The following EEF1D variants were observed in gnomAD, a reference collection of about 807,000 sequenced individuals.
EEF1D encodes elongation factor 1-delta.
Under a neutral mutation model 63.9 loss-of-function variants are expected in EEF1D, and 47 were observed. The observed-to-expected ratio is 0.74, with a 90% CI of 0.58 to 0.94. EEF1D has a LOEUF of 0.94. Ranked by LOEUF, EEF1D falls within the 40% of genes least tolerant of loss-of-function variation. EEF1D has a pLI of 0.00. For synonymous variants in EEF1D, 412 were observed against 386.1 expected, an observed-to-expected ratio of 1.07 and a Z score of -0.79; for missense variants, 907 against 899.0, an observed-to-expected ratio of 1.01 and a Z score of -0.11.
chr8:143,593,866 T>C (rs530162977), intron 1 of EEF1D: 19 of 985,354 alleles, frequency 1.9e-5, no homozygotes, highest in Non-Finnish European at 2.0e-5. Flanking sequence ...TTCCCAAGCA[T>C]GGGAGGACCT....
Position 143,591,956 on chromosome 8 carries a change from G to A in EEF1D, c.-1+691C>T, listed in dbSNP as rs914847419. Reference sequence around the variant, plus strand: ...GGAGTTCTTTGCGGGCATGTGGCCCGAATCCCGCAGTCCCAGCAACAAGTT... The same window carrying A: ...GGAGTTCTTTGCGGGCATGTGGCCCAAATCCCGCAGTCCCAGCAACAAGTT... On this transcript the variant is annotated intron_variant, in intron 2 of 9. Coordinates refer to ENST00000618139, the MANE Select transcript of EEF1D (RefSeq NM_001130053.5). 24 of 883,580 alleles carry A rather than the reference G, an allele frequency of 2.7e-5. No homozygotes were observed. The African/African-American group carries it at 3.6e-4, about 13-fold the overall frequency. 54.7% of individuals were successfully genotyped at this position (883,580 alleles called of 1,614,324 possible). A position where few individuals can be genotyped will look rare whatever the true frequency, so the allele number is the denominator to read the frequency against.
chr8:143,588,470 C>T (rs10110174), intron 3 of EEF1D, among the ~76,000 whole-genome samples: 121,496 of 152,164 alleles, frequency 0.8, 50,325 homozygotes, highest in Non-Finnish European at 0.92. Flanking sequence ...ACCTGACCAG[C>T]CACATGCCCA....
chr8:143,581,399 T>G lies in EEF1D; in HGVS notation c.1288-71A>C, dbSNP rs561028286. On this transcript the variant is annotated intron_variant, in intron 5 of 9. Coordinates refer to ENST00000618139, the MANE Select transcript of EEF1D (RefSeq NM_001130053.5). ...AGGGTCCCCCTGCCATGCTCAGGAC[T>G]GCAGGAACTCACGGAAGGAAAACTA... 25 of 1,387,016 alleles carry G rather than the reference T, an allele frequency of 1.8e-5. No individual in the cohort carries two copies. In the African/African-American group the frequency reaches 2.7e-4, roughly 15 times the overall value. 85.9% of individuals were successfully genotyped at this position (1,387,016 alleles called of 1,614,324 possible).
At chr8:143,586,375 C>T (rs1297537385) in intron 4 of EEF1D, 85 bp from the exon 5 acceptor site, 3 of 1,264,898 alleles carry the variant, frequency 2.4e-6, no homozygotes, top group African/African-American at 3.0e-5. Context: ...ACCCCATGAA[C>T]CCTCACATAG....
chr8:143,593,274 C>A (rs1828274529), intron 1 of EEF1D, among the ~76,000 whole-genome samples: 1 of 152,198 alleles, frequency 6.6e-6, no homozygotes, highest in African/African-American at 2.4e-5. Flanking sequence ...GACTGACTCT[C>A]CCACAATGTG....
rs781402854 is a variant in EEF1D, at chr8:143,580,764, C to T, written c.1489-37G>A. 3.5e-5 allele frequency: 56 copies of T among 1,606,086 alleles called. 1 individual carries two copies. The highest frequency in any genetic ancestry group is 1.2e-4 in the South Asian group (11 of 91,032). On this transcript the variant is annotated intron_variant, in intron 7 of 9. Transcript: ENST00000618139. ...GAAGGGACAGGAGGCACGGCTGAGA[C>T]GCCCCAACCAGGGCCCAGAGCTGCC...
chr8:143,581,352 G>A (rs375904178), intron 5 of EEF1D, 24 bp from the exon 6 acceptor site: 1 of 1,600,264 alleles, frequency 6.2e-7, no homozygotes, highest in Non-Finnish European at 8.5e-7. Flanking sequence ...GGAGGGGAGG[G>A]CTCAGTGCCC....
At position 143,581,432 on chromosome 8, in the gene EEF1D, G is replaced by A. The variant is rs551045944; in HGVS notation, c.1288-104C>T. 2.9e-6 allele frequency: 3 copies of A among 1,033,052 alleles called. No individual in the cohort carries two copies. In the African/African-American group the frequency reaches 4.8e-5, roughly 16 times the overall value. The allele number at this position is 1,033,052 out of a possible 1,614,324, so 64.0% of individuals were successfully genotyped here. A position where few individuals can be genotyped will look rare whatever the true frequency, so the allele number is the denominator to read the frequency against. ...CTCACGGAAGGAAAACTACAGCTCG[G>A]GAGAGCAGGAGGTGCCCCCCGCTGA... On this transcript the variant is annotated intron_variant, in intron 5 of 9. Transcript: ENST00000618139.
Position 143,580,971 on chromosome 8 carries a change from G to A in EEF1D, c.1488+83C>T. On this transcript the variant is annotated intron_variant, in intron 7 of 9. Coordinates refer to ENST00000618139, the MANE Select transcript of EEF1D (RefSeq NM_001130053.5). ...TCCTGGCTGCCAGCTCATCACTGCT[G>A]CTGGGGCCAGCCCACAGGGCGACGT... 2.7e-6 allele frequency: 4 copies of A among 1,461,692 alleles called. No individual in the cohort carries two copies. In the East Asian group the frequency reaches 9.1e-5, roughly 33 times the overall value. 90.5% of individuals were successfully genotyped at this position (1,461,692 alleles called of 1,614,324 possible).
intron 1 of EEF1D, among the ~76,000 whole-genome samples, chr8:143,595,828 C>T (rs1404836448): frequency 6.6e-6 from 1 of 152,246 alleles, no homozygotes; most frequent in African/African-American, 2.4e-5. Flanking sequence ...AGACAATACC[C>T]ACGCCACACC....
intron 1 of EEF1D, chr8:143,593,937 A>G (rs1192447323): frequency 1.0e-6 from 1 of 985,262 alleles, no homozygotes; most frequent in Admixed American, 6.1e-5. Flanking sequence ...AAGCTTGCGC[A>G]GACGACAGGC....
Position 143,589,978 on chromosome 8 carries a change from G to A in EEF1D, c.104C>T (p.Ala35Val), listed in dbSNP as rs746505007. The stretch of plus-strand genomic sequence containing the variant: ...TGGCAGCTGCTGGGCGGAGGCGGCC[G>A]CCTGTGTGGCCTCGTGTTCGTAGAA... ...RRFYEHEATQ[A>V]AASAQQLPAE... The change falls in exon 3 of 10, where the codon GCG (alanine) becomes GTG (valine). Residue 35 changes from alanine to valine, a missense_variant. Transcript: ENST00000618139. The A allele has an allele frequency of 7.5e-6, 12 of 1,599,008 alleles. No homozygotes were observed. Among genetic ancestry groups the A allele is most frequent in the South Asian group, 4.4e-5 (4 of 91,024 alleles).
intron 1 of EEF1D, chr8:143,596,285 C>T (rs1828800936): frequency 1.3e-5 from 2 of 152,320 alleles, no homozygotes; most frequent in Admixed American, 1.3e-4. Flanking sequence ...CAGAAAGCCT[C>T]TACAGAGGCA....
At position 143,580,622 on chromosome 8, in the gene EEF1D, C is replaced by T. The variant is rs1248659333; in HGVS notation, c.1594G>A (p.Glu532Lys). 2 of 1,613,876 alleles carry T rather than the reference C, an allele frequency of 1.2e-6. No individual in the cohort carries two copies. Among genetic ancestry groups the T allele is most frequent in the Non-Finnish European group, 1.7e-6 (2 of 1,179,916 alleles). ...AGCTGTGCCGCCTCCTTGTCCTCCTCCTCATTGTCACTGCCAAACAGGTCA... is the reference window on the plus strand; with the variant it reads ...AGCTGTGCCGCCTCCTTGTCCTCCTTCTCATTGTCACTGCCAAACAGGTCA... The part of the protein sequence containing the change: ...DIDLFGSDNE[E>K]EDKEAAQLRE... Residue 532 changes from glutamate (E) to lysine (K), a missense_variant, in exon 8 of 10, where the codon GAG (glutamate) becomes AAG (lysine). By Grantham distance (56) the Glu-to-Lys change is moderately conservative (BLOSUM62 1). Coordinates refer to ENST00000618139, the MANE Select transcript of EEF1D (RefSeq NM_001130053.5).
chr8:143,587,101 G>A lies in EEF1D; in HGVS notation c.1092-249C>T, dbSNP rs116541785. 1,086 of 368,778 alleles carry A rather than the reference G, an allele frequency of 2.9e-3. 13 individuals are homozygous for A. Among genetic ancestry groups the A allele is most frequent in the African/African-American group, 0.02 (964 of 47,678 alleles). 22.8% of individuals were successfully genotyped at this position (368,778 alleles called of 1,614,324 possible). A position where few individuals can be genotyped will look rare whatever the true frequency, so the allele number is the denominator to read the frequency against. ...CCAGGCCCTTCCCTTTCACTCACAC[G>A]AAGCTGGGTTTATGTCAAACAGCTG... On this transcript the variant is annotated intron_variant, in intron 3 of 9. Transcript: ENST00000618139.
chr8:143,586,189 C>T (rs1251171760), intron 5 of EEF1D, 30 bp downstream of exon 5: 7 of 1,585,122 alleles, frequency 4.4e-6, no homozygotes, highest in Non-Finnish European at 6.0e-6. Context: ...CGAGCAGGAG[C>T]CCGCAGGTCC....
At chr8:143,588,032 T>C (rs1006103667) in intron 3 of EEF1D, among the ~76,000 whole-genome samples, 3 of 152,200 alleles carry the variant, frequency 2.0e-5, no homozygotes, top group African/African-American at 4.8e-5. Flanking sequence ...CTGGAGTCTG[T>C]GAGCGTCCTC....
At chr8:143,593,799 A>G in intron 1 of EEF1D, 1 of 952,090 alleles carries the variant, frequency 1.1e-6, no homozygotes, top group Non-Finnish European at 1.3e-6. Flanking sequence ...CTCCCAGGAC[A>G]GCCAGCACAG....
At chr8:143,582,727 G>C (rs897689041) in intron 5 of EEF1D, 9 of 93,062 alleles carry the variant, frequency 9.7e-5, no homozygotes, top group African/African-American at 2.3e-4. Flanking sequence ...CTCCTTTGAT[G>C]CTGACTCAGG....
Sources: gnomAD v4.1 joint callset for allele counts (sites outside exome capture counted in the v4.1 genomes callset) on GRCh38, gnomAD v4.1.1 for gene constraint, MANE v1.5 for transcripts, NCBI Gene and HGNC (gene_info 2026-07-23, HGNC 2026-07-21) for gene names.